ENTREP2: variants seen among roughly 807,000 people sequenced by gnomAD.
The protein encoded by ENTREP2 is protein ENTREP2.
At chr15:29,529,384 G>A in the ENTREP2 span, among the ~76,000 whole-genome samples, 1 of 151,928 alleles carries the variant, frequency 6.6e-6, no homozygotes, top group East Asian at 1.9e-4. Context: ...GGTGAGGCAG[G>A]TTAAGCATGG....
chr15:29,134,261 C>T, the ENTREP2 span, among the ~76,000 whole-genome samples: 1 of 152,234 alleles, frequency 6.6e-6, no homozygotes, highest in Non-Finnish European at 1.5e-5. Context: ...TCCATTACTG[C>T]CAGTTCAGGA....
the ENTREP2 span, among the ~76,000 whole-genome samples, chr15:29,463,793 G>A: frequency 6.6e-6 from 1 of 152,150 alleles, no homozygotes; most frequent in South Asian, 2.1e-4. Context: ...TAGCTGCATG[G>A]TGGAAATAAC....
chr15:29,512,461 T>C, the ENTREP2 span, among the ~76,000 whole-genome samples: 2 of 152,212 alleles, frequency 1.3e-5, no homozygotes, highest in African/African-American at 4.8e-5. Context: ...TGCTATGGAC[T>C]GAACTGCGTC....
chr15:29,487,476 G>A, the ENTREP2 span, among the ~76,000 whole-genome samples: 9 of 152,188 alleles, frequency 5.9e-5, no homozygotes, highest in African/African-American at 1.7e-4. Context: ...CAACCCCCTC[G>A]CTCTCTCTAT....
the ENTREP2 span, among the ~76,000 whole-genome samples, chr15:29,487,055 C>T: frequency 2.0e-5 from 3 of 152,082 alleles, no homozygotes; most frequent in African/African-American, 7.2e-5. Flanking sequence ...ATGTTCACAA[C>T]ACAAAGAAAT....
chr15:29,128,528 G>A, the ENTREP2 span, among the ~76,000 whole-genome samples: 1 of 152,094 alleles, frequency 6.6e-6, no homozygotes, highest in Admixed American at 6.6e-5. Context: ...TGGGGCAGAG[G>A]AAGACAAGGT....
chr15:29,565,027 G>C, the ENTREP2 span, among the ~76,000 whole-genome samples: 1 of 152,136 alleles, frequency 6.6e-6, no homozygotes, highest in African/African-American at 2.4e-5. Context: ...TTCTGAATTG[G>C]AAGATTTAAT....
the ENTREP2 span, among the ~76,000 whole-genome samples, chr15:29,258,588 T>G: frequency 5.6e-4 from 85 of 152,302 alleles, no homozygotes; most frequent in African/African-American, 2.0e-3. Context: ...ATTCATAACA[T>G]GAAGTTTACC....
chr15:29,247,103 C>G, the ENTREP2 span, among the ~76,000 whole-genome samples: 1 of 151,796 alleles, frequency 6.6e-6, no homozygotes, highest in African/African-American at 2.4e-5. Context: ...GCAGAGAACA[C>G]TAGCTAGTCT....
At chr15:29,620,499 G>A in the ENTREP2 span, among the ~76,000 whole-genome samples, 1 of 152,178 alleles carries the variant, frequency 6.6e-6, no homozygotes, top group South Asian at 2.1e-4. Flanking sequence ...TGGGCCAGGT[G>A]CAGTGGCTCA....
chr15:29,148,137 G>A, the ENTREP2 span, among the ~76,000 whole-genome samples: 1 of 152,220 alleles, frequency 6.6e-6, no homozygotes, highest in African/African-American at 2.4e-5. Flanking sequence ...CTAGGGCTGA[G>A]AGGTGGGAAG....
chr15:29,603,840 T>C, the ENTREP2 span, among the ~76,000 whole-genome samples: 10 of 152,250 alleles, frequency 6.6e-5, no homozygotes, highest in South Asian at 1.9e-3. Context: ...GGTTTCACTA[T>C]GTTGGCCAGG....
the ENTREP2 span, among the ~76,000 whole-genome samples, chr15:29,431,258 G>A: frequency 6.6e-6 from 1 of 152,216 alleles, no homozygotes; most frequent in African/African-American, 2.4e-5. Flanking sequence ...TCCCTCCTGC[G>A]ATGCCACGCT....
the ENTREP2 span, among the ~76,000 whole-genome samples, chr15:29,138,541 TTG>T: frequency 3.5e-4 from 53 of 151,438 alleles, no homozygotes; most frequent in African/African-American, 1.1e-3. Flanking sequence ...TATGTGTGTG[TTG>T]TGTGTGTGTG....
the ENTREP2 span, among the ~76,000 whole-genome samples, chr15:29,509,733 A>C: frequency 3.3e-5 from 5 of 152,326 alleles, no homozygotes; most frequent in East Asian, 9.6e-4. Flanking sequence ...CCTTCCTTAC[A>C]TCTTATACAA....
At chr15:29,657,483 C>CAGGGCGGGGCGGGGGGGGGGGGGGGGGGG in the ENTREP2 span, among the ~76,000 whole-genome samples, 1 of 69,382 alleles carries the variant, frequency 1.4e-5, no homozygotes, top group African/African-American at 6.0e-5. Context: ...GCTGGGGGGG[C>CAGGGCGGGGCGGGGGGGGGGGGGGGGGGG]GGGGGGGGGG....
At chr15:29,257,260 A>G in the ENTREP2 span, among the ~76,000 whole-genome samples, 1 of 151,964 alleles carries the variant, frequency 6.6e-6, no homozygotes, top group African/African-American at 2.4e-5. Flanking sequence ...TTTAGTAGAG[A>G]CGGGGTTTCT....
At chr15:29,432,427 T>C in the ENTREP2 span, among the ~76,000 whole-genome samples, 2 of 152,332 alleles carry the variant, frequency 1.3e-5, no homozygotes, top group South Asian at 2.1e-4. Context: ...CATCCTGGCC[T>C]GGGCTTAAAC....
chr15:29,374,783 G>T, the ENTREP2 span: 1 of 151,740 alleles, frequency 6.6e-6, no homozygotes. Flanking sequence ...TTTTCTCTGT[G>T]TTCTTCATTT....
Sources: gnomAD v4.1 joint callset for allele counts (sites outside exome capture counted in the v4.1 genomes callset) on GRCh38, gnomAD v4.1.1 for gene constraint, MANE v1.5 for transcripts, NCBI Gene and HGNC (gene_info 2026-07-23, HGNC 2026-07-21) for gene names.